NWD1: variants seen among roughly 807,000 people sequenced by gnomAD.
NWD1 encodes NACHT and WD repeat domain containing 1.
In NWD1, 129 loss-of-function variants were observed where a neutral mutation model predicts 135.1. The ratio of observed to expected loss-of-function variants is 0.96; its 90% CI spans 0.83 to 1.11. NWD1 has a LOEUF of 1.11. Ranked by LOEUF, NWD1 falls within the 50% of genes least tolerant of loss-of-function variation. The pLI, the probability that NWD1 is intolerant of heterozygous loss-of-function variation, is 0.00. For synonymous variants in NWD1, 773 were observed against 786.0 expected (o/e 0.98, Z 0.28); for missense variants, 1,740 against 1,851.3 (o/e 0.94, Z 1.10).
At chr19:16,769,811 C>T (rs1969352929) in intron 10 of NWD1, among the ~76,000 whole-genome samples, 2 of 152,162 alleles carry the variant, frequency 1.3e-5, no homozygotes, top group Non-Finnish European at 2.9e-5. Flanking sequence ...ATCACTGCAC[C>T]CTGTTTTCCA....
At position 16,797,713 on chromosome 19, in the gene NWD1, C is replaced by A; in HGVS notation, c.3305-19C>A. The stretch of plus-strand genomic sequence containing the variant: ...TCCTCTGGACATGAGAGGTGTAACC[C>A]CAGTTCCTGCCGTTTCAGGCTTTGG... On this transcript the variant is annotated intron_variant, in intron 15 of 18. Transcript: ENST00000524140. 6.2e-7 allele frequency: 1 copy of A among 1,610,778 alleles called. No homozygotes were observed. The highest frequency in any genetic ancestry group is 8.5e-7 in the Non-Finnish European group (1 of 1,178,066).
intron 12 of NWD1, among the ~76,000 whole-genome samples, chr19:16,783,762 A>G (rs1257691392): frequency 6.6e-6 from 1 of 151,954 alleles, no homozygotes; most frequent in African/African-American, 2.4e-5. Context: ...CAATTTTTAC[A>G]AAGGAAAATA....
At chr19:16,774,836 C>T (rs1969543418) in intron 11 of NWD1, among the ~76,000 whole-genome samples, 1 of 151,952 alleles carries the variant, frequency 6.6e-6, no homozygotes, top group African/African-American at 2.4e-5. Context: ...ATCTGATCAT[C>T]TTCCATTCAT....
At chr19:16,807,036 A>G (rs1970766712) in intron 17 of NWD1, among the ~76,000 whole-genome samples, 1 of 151,800 alleles carries the variant, frequency 6.6e-6, no homozygotes, top group Non-Finnish European at 1.5e-5. Flanking sequence ...AAAAATAAAA[A>G]AATTAGTAGG....
chr19:16,791,279 C>T, intron 13 of NWD1, 71 bp from the exon 14 acceptor site: 1 of 1,362,636 alleles, frequency 7.3e-7, no homozygotes, highest in East Asian at 2.3e-5. Context: ...AGGCATCTTG[C>T]ATTTGACTCC....
At chr19:16,753,028 G>A (rs1240323717) in intron 6 of NWD1, among the ~76,000 whole-genome samples, 1 of 152,220 alleles carries the variant, frequency 6.6e-6, no homozygotes, top group Non-Finnish European at 1.5e-5. Flanking sequence ...ACTGGGGCAT[G>A]TTCCAGAATA....
chr19:16,802,541 C>A (rs1970634065), intron 17 of NWD1, among the ~76,000 whole-genome samples: 1 of 151,630 alleles, frequency 6.6e-6, no homozygotes, highest in Non-Finnish European at 1.5e-5. Context: ...CTCTGCACAC[C>A]CCAACCCCCT....
rs530446734 is a variant in NWD1, at chr19:16,815,290, C to CAATG, written c.*253_*254insTGAA. ...CAGAAAGTGCCCAGGGAAATGAAAC[C>CAATG]AAATCAAACAAATGCTCACAAGTGT... On this transcript the variant is annotated 3_prime_UTR_variant, in exon 19 of 19. Transcript: ENST00000524140. 4.1e-5 allele frequency: 32 copies of CAATG among 780,844 alleles called. 1 individual carries two copies. Among genetic ancestry groups the CAATG allele is most frequent in the South Asian group, 3.9e-4 (29 of 74,602 alleles). 48.4% of individuals were successfully genotyped at this position (780,844 alleles called of 1,614,324 possible).
chr19:16,793,338 G>A (rs1420294907), intron 14 of NWD1, among the ~76,000 whole-genome samples: 2 of 151,844 alleles, frequency 1.3e-5, no homozygotes, highest in African/African-American at 2.4e-5. Context: ...GGCTCAAGAC[G>A]TCCTCTCGCC....
intron 7 of NWD1, among the ~76,000 whole-genome samples, chr19:16,760,226 C>T (rs1219032025): frequency 8.8e-6 from 1 of 113,368 alleles, no homozygotes. Context: ...ACATAAAATT[C>T]ACCATTTTAT....
intron 12 of NWD1, among the ~76,000 whole-genome samples, chr19:16,786,756 A>C (rs1419247285): frequency 2.0e-5 from 3 of 151,922 alleles, no homozygotes; most frequent in African/African-American, 7.2e-5. Flanking sequence ...CTTGTTGGCC[A>C]GGCTGGTCTC....
Position 16,815,086 on chromosome 19 carries a change from C to T in NWD1, c.*47C>T. On this transcript the variant is annotated 3_prime_UTR_variant, in exon 19 of 19. Transcript: ENST00000524140. ...TGGTAAACAGAATCATCCCAACCAC[C>T]AGTGGCTTCATTGCCCCCACCAGGC... is the stretch of plus-strand genomic sequence containing the variant. 1 of 1,594,362 alleles carries T rather than the reference C, an allele frequency of 6.3e-7. No homozygotes were observed. Among genetic ancestry groups the T allele is most frequent in the Non-Finnish European group, 8.6e-7 (1 of 1,162,022 alleles).
chr19:16,797,835 T>C lies in NWD1; in HGVS notation c.3408T>C (p.Phe1136=). 6.2e-7 allele frequency: 1 copy of C among 1,614,132 alleles called. No homozygotes were observed. The highest frequency in any genetic ancestry group is 8.5e-7 in the Non-Finnish European group (1 of 1,179,982). Residue 1136 remains phenylalanine, a synonymous_variant, in exon 16 of 19, where the codon TTT becomes TTC. Transcript: ENST00000524140. ...EHEDMVETAV[F]GTENNLIITG... is the part of the protein sequence containing the mutation. ...AAGACATGGTGGAGACGGCTGTTTT[T>C]GGTACTGAGAACAACCTGATCATCA...
At chr19:16,725,100 G>A (rs1967276855) in intron 2 of NWD1, among the ~76,000 whole-genome samples, 1 of 151,624 alleles carries the variant, frequency 6.6e-6, no homozygotes, top group African/African-American at 2.4e-5. Flanking sequence ...CAACCTCTCT[G>A]CCTCCCAGGT....
chr19:16,770,900 C>A (rs892338663), intron 10 of NWD1, among the ~76,000 whole-genome samples: 1 of 152,190 alleles, frequency 6.6e-6, no homozygotes, highest in Non-Finnish European at 1.5e-5. Flanking sequence ...TGCCTGCAAT[C>A]ATTTATGCCT....
chr19:16,737,196 A>G (rs1358394891), intron 4 of NWD1, among the ~76,000 whole-genome samples: 1 of 151,990 alleles, frequency 6.6e-6, no homozygotes, highest in Non-Finnish European at 1.5e-5. Flanking sequence ...CACCCCTTCT[A>G]TCAAAAAATC....
chr19:16,762,477 A>G (rs943324126), intron 8 of NWD1, among the ~76,000 whole-genome samples: 2 of 151,730 alleles, frequency 1.3e-5, no homozygotes, highest in Non-Finnish European at 2.9e-5. Context: ...TTGTATTTTT[A>G]GTAGAGACGG....
chr19:16,730,543 T>C (rs907180747), intron 2 of NWD1, among the ~76,000 whole-genome samples: 2 of 151,540 alleles, frequency 1.3e-5, no homozygotes, highest in Admixed American at 1.3e-4. Context: ...GTGAGACTCC[T>C]TCTCTACAAA....
chr19:16,800,853 G>C (rs1470553657), intron 17 of NWD1, among the ~76,000 whole-genome samples: 1 of 152,106 alleles, frequency 6.6e-6, no homozygotes, highest in Non-Finnish European at 1.5e-5. Context: ...TTTAATATCC[G>C]GCTGGCCATG....
Sources: allele counts gnomAD v4.1 joint callset (sites outside exome capture counted in the v4.1 genomes callset), GRCh38; gene constraint gnomAD v4.1.1; transcripts MANE v1.5; gene names NCBI Gene and HGNC (gene_info 2026-07-23, HGNC 2026-07-21).